The following FGFR1 variants were observed in gnomAD, a reference collection of about 807,000 sequenced individuals.
FGFR1 encodes fibroblast growth factor receptor 1.
Under a neutral mutation model 93.7 loss-of-function variants are expected in FGFR1, and 18 were observed. That is an observed-to-expected ratio of 0.19 (90% CI 0.13 to 0.28). The LOEUF (loss-of-function observed/expected upper bound fraction) is 0.28. Ranked by LOEUF, FGFR1 falls within the 10% of genes least tolerant of loss-of-function variation. The probability of loss-of-function intolerance (pLI) is 1.00; values close to 1 mark genes in which losing one functional copy is unlikely to be tolerated. For synonymous variants in FGFR1, 448 were observed against 429.3 expected, an observed-to-expected ratio of 1.04 and a Z score of -0.54; for missense variants, 731 against 1,080.4, an observed-to-expected ratio of 0.68 and a Z score of 4.53.
At chr8:38,441,526 C>G (rs1418849999) in intron 2 of FGFR1, among the ~76,000 whole-genome samples, 1 of 152,128 alleles carries the variant, frequency 6.6e-6, no homozygotes, top group Non-Finnish European at 1.5e-5. Flanking sequence ...ACAGAAAACT[C>G]TTACTACACT....
At chr8:38,459,296 C>T (rs369621065) in intron 1 of FGFR1, among the ~76,000 whole-genome samples, 8 of 152,160 alleles carry the variant, frequency 5.3e-5, no homozygotes, top group South Asian at 4.1e-4. Context: ...CTGCCTCCCC[C>T]GAGCCAGGCA....
At position 38,452,200 on chromosome 8, in the gene FGFR1, GACACACACACACACACACACACAC is replaced by G. The variant is rs3051753; in HGVS notation, c.91+5132_91+5155del. 1.7e-4 allele frequency among the ~76,000 whole-genome samples: 23 copies of G among 139,186 alleles called. No homozygotes were observed. In the South Asian group the frequency reaches 3.2e-3, roughly 19 times the overall value. The allele number at this position is 139,186 out of a possible 152,430, so 91.3% of individuals were successfully genotyped here. On this transcript the variant is annotated intron_variant, in intron 2 of 17. Coordinates refer to ENST00000447712, the MANE Select transcript of FGFR1 (RefSeq NM_023110.3). ...CTCCCGACAGACACACAGACACACA[GACACACACACACACACACACACAC>G]ACACACACACACACACACACACTTA...
At chr8:38,419,335 G>A (rs1817873312) in intron 9 of FGFR1, among the ~76,000 whole-genome samples, 198 bp downstream of exon 9, 2 of 152,196 alleles carry the variant, frequency 1.3e-5, no homozygotes. Flanking sequence ...AGTGTGATAT[G>A]GAGGGTGCAG....
In FGFR1 at chr8:38,426,919, C is replaced by T. The variant is rs1036120149; in HGVS notation, c.622-674G>A. Among the ~76,000 whole-genome samples the T allele has an allele frequency of 6.6e-6, 1 of 152,138 alleles. No homozygotes were observed. The highest frequency in any genetic ancestry group is 1.5e-5 in the Non-Finnish European group (1 of 68,024). On this transcript the variant is annotated intron_variant, in intron 5 of 17. Transcript: ENST00000447712. This position sits in a 1 kb window ranked among gnomAD's most constrained non-coding sequence, Gnocchi z 4.1. ...CTTGAGGTCATGAGTTCAAGACCAG[C>T]CTGGCCAACATGGGGAAACCCCGTC...
At chr8:38,445,619 A>G (rs1043118462) in intron 2 of FGFR1, among the ~76,000 whole-genome samples, 1 of 151,746 alleles carries the variant, frequency 6.6e-6, no homozygotes, top group African/African-American at 2.4e-5. Flanking sequence ...GCTCACTGCA[A>G]CCTCCGCCTC....
intron 12 of FGFR1, among the ~76,000 whole-genome samples, chr8:38,417,090 G>GAGTAA (rs1022033342): frequency 1.3e-5 from 2 of 152,198 alleles, no homozygotes; most frequent in African/African-American, 4.8e-5. Context: ...AGCTGCCTCT[G>GAGTAA]TTAACACACC....
intron 8 of FGFR1, among the ~76,000 whole-genome samples, chr8:38,421,013 G>C (rs1399842961): frequency 6.6e-6 from 1 of 152,180 alleles, no homozygotes; most frequent in African/African-American, 2.4e-5. Context: ...GACCCTGACG[G>C]GCAAGCAGGG....
Position 38,426,335 on chromosome 8 carries a change from C to T in FGFR1, c.622-90G>A, listed in dbSNP as rs893994366. 6.4e-7 allele frequency: 1 copy of T among 1,574,286 alleles called. No individual in the cohort carries two copies. Reference sequence around the variant, plus strand: ...TCGGCACCCCGTGGCACCTGCCCTCCATATCAGAGCCTGGTGGCACAGGGC... The same window carrying T: ...TCGGCACCCCGTGGCACCTGCCCTCTATATCAGAGCCTGGTGGCACAGGGC... On this transcript the variant is annotated intron_variant, in intron 5 of 17. Coordinates refer to ENST00000447712, the MANE Select transcript of FGFR1 (RefSeq NM_023110.3). This position sits in a 1 kb window ranked among gnomAD's most constrained non-coding sequence, Gnocchi z 4.1.
At chr8:38,447,521 G>A (rs571565195) in intron 2 of FGFR1, among the ~76,000 whole-genome samples, 5 of 152,066 alleles carry the variant, frequency 3.3e-5, no homozygotes, top group African/African-American at 1.2e-4. Flanking sequence ...TTGCTCTGTC[G>A]CCCAGGATGG....
intron 7 of FGFR1, chr8:38,422,913 A>C: frequency 3.1e-6 from 2 of 653,950 alleles, no homozygotes; most frequent in Non-Finnish European, 2.8e-6. Context: ...TCTGGGCACT[A>C]GAAATACAGT....
At chr8:38,443,015 TTC>T (rs1230025536) in intron 2 of FGFR1, among the ~76,000 whole-genome samples, 2 of 152,210 alleles carry the variant, frequency 1.3e-5, no homozygotes, top group African/African-American at 4.8e-5. Context: ...CTCTTAAGGT[TTC>T]ACACGATGAG....
chr8:38,451,616 G>T (rs1831099209), intron 2 of FGFR1, among the ~76,000 whole-genome samples: 1 of 152,152 alleles, frequency 6.6e-6, no homozygotes, highest in Non-Finnish European at 1.5e-5. Flanking sequence ...GAATGGAAAT[G>T]TGTGGTTTTT....
intron 9 of FGFR1, 87 bp downstream of exon 9, chr8:38,419,446 T>C: frequency 3.2e-6 from 4 of 1,264,780 alleles, no homozygotes; most frequent in Non-Finnish European, 4.6e-6. Flanking sequence ...GGCCCAAAGC[T>C]ATAAATTAGG....
At chr8:38,455,477 G>T (rs1011059412) in intron 2 of FGFR1, among the ~76,000 whole-genome samples, 3 of 152,078 alleles carry the variant, frequency 2.0e-5, no homozygotes, top group African/African-American at 7.2e-5. Flanking sequence ...ATTTTTAATA[G>T]AGATGGGGTT....
At chr8:38,439,396 G>GC (rs1826575971) in intron 2 of FGFR1, among the ~76,000 whole-genome samples, 2 of 152,148 alleles carry the variant, frequency 1.3e-5, no homozygotes, top group Admixed American at 6.5e-5. Flanking sequence ...CTCTTCTCGA[G>GC]CCCCTCACCG....
intron 8 of FGFR1, 144 bp downstream of exon 8, chr8:38,421,653 G>GCC (rs762837816): frequency 3.4e-6 from 3 of 881,652 alleles, no homozygotes; most frequent in Non-Finnish European, 1.9e-6. Context: ...AGCCCTCAAA[G>GCC]CTGGGGCAGG....
chr8:38,425,511 C>A (rs1441731105), intron 6 of FGFR1, among the ~76,000 whole-genome samples: 1 of 152,116 alleles, frequency 6.6e-6, no homozygotes, highest in Non-Finnish European at 1.5e-5. Context: ...TCATCATAAT[C>A]AAGAAGAACA....
At chr8:38,442,131 G>T (rs1014614555) in intron 2 of FGFR1, among the ~76,000 whole-genome samples, 2 of 152,214 alleles carry the variant, frequency 1.3e-5, no homozygotes, top group East Asian at 3.8e-4. Context: ...TTTGGGAAAA[G>T]AAGTTGGGGC....
chr8:38,412,857 TTTTTTG>T lies in FGFR1; in HGVS notation c.*765_*770del, dbSNP rs1814840290. On this transcript the variant is annotated 3_prime_UTR_variant, in exon 18 of 18. Coordinates refer to ENST00000447712, the MANE Select transcript of FGFR1 (RefSeq NM_023110.3). ...TTTAAAAACATTTTCCTTTTTTTTC[TTTTTTG>T]TTTTTAATATATAGCAACTGATGCC... 4.3e-6 allele frequency: 1 copy of T among 233,422 alleles called. No individual in the cohort carries two copies. The highest frequency in any genetic ancestry group is 8.5e-6 in the Non-Finnish European group (1 of 117,996). The allele number at this position is 233,422 out of a possible 1,614,324, so 14.5% of individuals were successfully genotyped here.
Sources: allele counts gnomAD v4.1 joint callset (sites outside exome capture counted in the v4.1 genomes callset), GRCh38; gene constraint gnomAD v4.1.1; non-coding constraint Gnocchi (gnomAD v3.1); transcripts MANE v1.5; gene names NCBI Gene and HGNC (gene_info 2026-07-23, HGNC 2026-07-21).